OLFM3: variants seen among roughly 807,000 people sequenced by gnomAD.
OLFM3 encodes the protein noelin-3.
OLFM3 carries 20 observed loss-of-function variants against 48.6 expected under a neutral mutation model. That is an observed-to-expected ratio of 0.41 (90% CI 0.29 to 0.60). The LOEUF is 0.60. Ranked by LOEUF, OLFM3 falls within the 20% of genes least tolerant of loss-of-function variation. The pLI is 0.28. For synonymous variants in OLFM3, 222 were observed against 198.1 expected, an observed-to-expected ratio of 1.12 and a Z score of -1.01; for missense variants, 437 against 544.3, an observed-to-expected ratio of 0.80 and a Z score of 1.96.
intron 4 of OLFM3, among the ~76,000 whole-genome samples, chr1:101,819,933 C>T (rs1445225): frequency 0.51 from 76,796 of 151,674 alleles, 19,714 homozygotes; most frequent in East Asian, 0.64. Flanking sequence ...GCTGGCCTAG[C>T]GCTTGTCAAG....
At chr1:101,869,110 C>G (rs1656971732) in intron 1 of OLFM3, among the ~76,000 whole-genome samples, 1 of 152,224 alleles carries the variant, frequency 6.6e-6, no homozygotes, top group Non-Finnish European at 1.5e-5. Flanking sequence ...CACTGGAGCA[C>G]TACCTGTTGG....
chr1:101,916,516 T>A (rs1394285792), intron 1 of OLFM3, among the ~76,000 whole-genome samples: 1 of 152,198 alleles, frequency 6.6e-6, no homozygotes, highest in Non-Finnish European at 1.5e-5. Context: ...TTTCAATTTT[T>A]GTGATTGTTG....
intron 1 of OLFM3, among the ~76,000 whole-genome samples, chr1:101,839,218 C>T (rs1655589530): frequency 6.6e-6 from 1 of 152,180 alleles, no homozygotes; most frequent in African/African-American, 2.4e-5. Flanking sequence ...GACTCGTTAA[C>T]ATTCTCCCCA....
intron 1 of OLFM3, among the ~76,000 whole-genome samples, chr1:101,839,825 G>A (rs1655621448): frequency 6.6e-6 from 1 of 152,128 alleles, no homozygotes; most frequent in African/African-American, 2.4e-5. Context: ...AGACTTGTTT[G>A]TACTTCCAAT....
intron 2 of OLFM3, among the ~76,000 whole-genome samples, chr1:101,831,678 T>A (rs1655158185): frequency 6.6e-6 from 1 of 152,204 alleles, no homozygotes; most frequent in Non-Finnish European, 1.5e-5. Flanking sequence ...ATGCTGTTAG[T>A]ACTCAAAGCA....
chr1:101,904,275 T>A (rs1183697245), intron 1 of OLFM3, among the ~76,000 whole-genome samples: 1 of 152,068 alleles, frequency 6.6e-6, no homozygotes, highest in African/African-American at 2.4e-5. Context: ...GAGGATATGG[T>A]CAGGGTAAAT....
chr1:101,869,969 T>C (rs974159937), intron 1 of OLFM3, among the ~76,000 whole-genome samples: 3 of 152,190 alleles, frequency 2.0e-5, no homozygotes, highest in African/African-American at 7.2e-5. Context: ...CAGTTCTTTA[T>C]GGCAGCATGA....
intron 1 of OLFM3, among the ~76,000 whole-genome samples, chr1:101,962,549 G>A (rs544876662): frequency 6.6e-6 from 1 of 152,050 alleles, no homozygotes; most frequent in African/African-American, 2.4e-5. Context: ...ATCCAATGGG[G>A]TGAGTTTCTC....
chr1:101,823,993 C>A (rs1300061509), intron 4 of OLFM3, among the ~76,000 whole-genome samples: 1 of 150,054 alleles, frequency 6.7e-6, no homozygotes, highest in East Asian at 1.9e-4. Flanking sequence ...CTTTTTATCA[C>A]TTGAAGCATA....
intron 1 of OLFM3, among the ~76,000 whole-genome samples, chr1:101,956,086 G>GTTTTTTTTTTT (rs71592232): frequency 0.011 from 1,155 of 104,558 alleles, 8 homozygotes; most frequent in African/African-American, 0.018. Flanking sequence ...ACAATAACAG[G>GTTTTTTTTTTT]TTTTTTTTTT....
chr1:101,889,132 C>A (rs544195341), intron 1 of OLFM3, among the ~76,000 whole-genome samples: 3 of 152,268 alleles, frequency 2.0e-5, no homozygotes, highest in South Asian at 2.1e-4. Context: ...TACCATTTGA[C>A]CCAGCCATCC....
chr1:101,874,844 C>T (rs1322021377), intron 1 of OLFM3, among the ~76,000 whole-genome samples: 1 of 152,040 alleles, frequency 6.6e-6, no homozygotes, highest in South Asian at 2.1e-4. Flanking sequence ...CTCATCTTCC[C>T]CAACTGGCTA....
intron 1 of OLFM3, among the ~76,000 whole-genome samples, chr1:101,942,402 T>C (rs6668847): frequency 0.4 from 60,887 of 151,878 alleles, 12,470 homozygotes; most frequent in East Asian, 0.51. Context: ...AATTGCAGTC[T>C]TATGTTTTGG....
chr1:101,896,855 T>G (rs143450299), intron 1 of OLFM3, among the ~76,000 whole-genome samples: 58 of 152,154 alleles, frequency 3.8e-4, no homozygotes, highest in African/African-American at 1.4e-3. Context: ...TTCCTTGGCT[T>G]CATTTGACTC....
intron 1 of OLFM3, among the ~76,000 whole-genome samples, chr1:101,987,137 A>G (rs377678517): frequency 6.6e-6 from 1 of 152,346 alleles, no homozygotes; most frequent in South Asian, 2.1e-4. Flanking sequence ...CAAAGAGGTC[A>G]TGAAGCTTTG....
chr1:101,954,746 G>C (rs1279063212), intron 1 of OLFM3, among the ~76,000 whole-genome samples: 1 of 152,058 alleles, frequency 6.6e-6, no homozygotes, highest in Non-Finnish European at 1.5e-5. Context: ...TTCTATCCTA[G>C]AGGAGGAGGA....
At chr1:101,846,038 C>G (rs945063408) in intron 1 of OLFM3, among the ~76,000 whole-genome samples, 1 of 152,046 alleles carries the variant, frequency 6.6e-6, no homozygotes, top group Non-Finnish European at 1.5e-5. Flanking sequence ...CTAAGAAATT[C>G]CTTTTATTTG....
chr1:101,946,145 C>T (rs1659957211), intron 1 of OLFM3, among the ~76,000 whole-genome samples: 1 of 152,156 alleles, frequency 6.6e-6, no homozygotes, highest in South Asian at 2.1e-4. Flanking sequence ...CTGAGAAATA[C>T]TGCAGAAGGT....
chr1:101,830,352 C>T (rs1392626965), intron 3 of OLFM3, among the ~76,000 whole-genome samples: 2 of 152,158 alleles, frequency 1.3e-5, no homozygotes, highest in Non-Finnish European at 1.5e-5. Context: ...ATATCATCTA[C>T]ATCTTTCTTC....
Sources: gnomAD v4.1 joint callset for allele counts (sites outside exome capture counted in the v4.1 genomes callset) on GRCh38, gnomAD v4.1.1 for gene constraint, MANE v1.5 for transcripts, NCBI Gene and HGNC (gene_info 2026-07-23, HGNC 2026-07-21) for gene names.